Variants in HEATR5A observed in about 807,000 individuals in gnomAD.
HEATR5A encodes the protein HEAT repeat-containing protein 5A.
A neutral mutation model predicts 218.8 loss-of-function variants in HEATR5A; 178 were observed. The observed-to-expected ratio is 0.81, with a 90% CI of 0.72 to 0.92. The LOEUF (loss-of-function observed/expected upper bound fraction) is 0.92, where lower values mean the gene tolerates loss of function less well. Among genes scored for constraint, HEATR5A ranks in the 40% least tolerant of loss-of-function variants. HEATR5A has a pLI of 0.00. For missense variants in HEATR5A, 2,420 were observed against 2,418.9 expected (o/e 1.00, Z -0.01); for synonymous variants, 864 against 871.6 (o/e 0.99, Z 0.15).
intron 14 of HEATR5A, among the ~76,000 whole-genome samples, chr14:31,363,232 C>CTT (rs1351112917): frequency 1.3e-5 from 2 of 148,546 alleles, no homozygotes; most frequent in Non-Finnish European, 3.0e-5. Flanking sequence ...GAGCAAGACT[C>CTT]TGTCTCCAAA....
At chr14:31,294,127 T>C (rs1365468117) in intron 34 of HEATR5A, 23 bp from the exon 35 acceptor site, 4 of 1,409,946 alleles carry the variant, frequency 2.8e-6, no homozygotes, top group African/African-American at 1.4e-5. Context: ...GAGAAAAGAA[T>C]AGCAAATACT....
intron 13 of HEATR5A, among the ~76,000 whole-genome samples, chr14:31,369,636 A>AAC (rs1901953312): frequency 7.2e-6 from 1 of 139,166 alleles, no homozygotes; most frequent in Non-Finnish European, 1.5e-5. Flanking sequence ...AAAAAAAAAA[A>AAC]CCCAAAAATG....
intron 20 of HEATR5A, 54 bp from the exon 21 acceptor site, chr14:31,344,119 T>G (rs1900933973): frequency 9.2e-7 from 1 of 1,082,170 alleles, no homozygotes; most frequent in Non-Finnish European, 1.3e-6. Context: ...ACATTACTCT[T>G]TAAACATATA....
intron 14 of HEATR5A, among the ~76,000 whole-genome samples, chr14:31,362,566 C>A (rs1266112382): frequency 8.5e-6 from 1 of 118,074 alleles, no homozygotes; most frequent in Non-Finnish European, 1.6e-5. Flanking sequence ...AATTTGAGAA[C>A]AACCTGGGCA....
rs186184105 is a variant in HEATR5A at position 31,405,999 on chromosome 14, G to T, written c.-74-2950C>A. Among the ~76,000 whole-genome samples, 197 of 152,146 alleles carry T rather than the reference G, an allele frequency of 1.3e-3. No individual in the cohort carries two copies. In the Middle Eastern group the frequency reaches 0.014, roughly 11 times the overall value. On this transcript the variant is annotated intron_variant, in intron 1 of 35. Coordinates refer to ENST00000543095, the MANE Select transcript of HEATR5A (RefSeq NM_015473.4). Reference sequence around the variant, plus strand: ...GTAGACAATTCATGTTGGTAATCTCGCATCTAAAACTCACAAGTCTAAAAT... The same window carrying T: ...GTAGACAATTCATGTTGGTAATCTCTCATCTAAAACTCACAAGTCTAAAAT...
intron 14 of HEATR5A, among the ~76,000 whole-genome samples, chr14:31,359,491 C>T (rs1020649396): frequency 5.3e-5 from 8 of 151,556 alleles, no homozygotes; most frequent in African/African-American, 1.2e-4. Flanking sequence ...CTTTGGGAGG[C>T]GAAGGTGGGT....
intron 1 of HEATR5A, among the ~76,000 whole-genome samples, chr14:31,404,683 G>T (rs562893518): frequency 7.2e-5 from 11 of 151,840 alleles, no homozygotes; most frequent in Admixed American, 2.6e-4. Context: ...GAGGCAGAAG[G>T]ATCGCTTGAG....
At chr14:31,387,938 TAGTC>T (rs576574782) in intron 7 of HEATR5A, among the ~76,000 whole-genome samples, 8 of 152,194 alleles carry the variant, frequency 5.3e-5, no homozygotes, top group Non-Finnish European at 8.8e-5. Flanking sequence ...AGTTTCAGGA[TAGTC>T]AGCATACCCA....
chr14:31,338,010 A>G (rs1222967668), intron 21 of HEATR5A, among the ~76,000 whole-genome samples: 1 of 152,196 alleles, frequency 6.6e-6, no homozygotes, highest in Non-Finnish European at 1.5e-5. Context: ...GCAGAAATTT[A>G]TACACATCCA....
At chr14:31,387,706 C>T (rs914093505) in intron 7 of HEATR5A, among the ~76,000 whole-genome samples, 3 of 152,072 alleles carry the variant, frequency 2.0e-5, no homozygotes, top group Admixed American at 6.6e-5. Flanking sequence ...ACTACAGGGG[C>T]CCGCCACCAA....
intron 14 of HEATR5A, among the ~76,000 whole-genome samples, chr14:31,362,478 T>C (rs1901651421): frequency 6.6e-6 from 1 of 151,492 alleles, no homozygotes; most frequent in Admixed American, 6.6e-5. Flanking sequence ...ACTTACATTA[T>C]CAGGCCAGGC....
At chr14:31,397,011 A>C (rs569365150) in intron 4 of HEATR5A, among the ~76,000 whole-genome samples, 1 of 152,286 alleles carries the variant, frequency 6.6e-6, no homozygotes, top group South Asian at 2.1e-4. Flanking sequence ...AAATAAAACC[A>C]GACTTACAGG....
At chr14:31,362,997 G>A (rs1205893536) in intron 14 of HEATR5A, among the ~76,000 whole-genome samples, 1 of 152,020 alleles carries the variant, frequency 6.6e-6, no homozygotes, top group Non-Finnish European at 1.5e-5. Context: ...AGCGCTTTGG[G>A]AGGCTGAGGA....
chr14:31,312,436 G>A (rs1899786613), intron 28 of HEATR5A, among the ~76,000 whole-genome samples: 1 of 147,996 alleles, frequency 6.8e-6, no homozygotes, highest in Non-Finnish European at 1.5e-5. Flanking sequence ...TTTTGAGACA[G>A]AGTCTCACTC....
At chr14:31,363,215 G>A (rs934334784) in intron 14 of HEATR5A, among the ~76,000 whole-genome samples, 2 of 151,600 alleles carry the variant, frequency 1.3e-5, no homozygotes, top group East Asian at 3.9e-4. Context: ...CTCCAGCCTG[G>A]GGGACAGAGC....
At chr14:31,405,055 C>A (rs1225896348) in intron 1 of HEATR5A, among the ~76,000 whole-genome samples, 3 of 57,206 alleles carry the variant, frequency 5.2e-5, no homozygotes, top group African/African-American at 2.1e-4. Context: ...GACACTGTCT[C>A]CACCAAAAAA....
At chr14:31,309,633 T>C (rs567050424) in intron 28 of HEATR5A, among the ~76,000 whole-genome samples, 2 of 152,352 alleles carry the variant, frequency 1.3e-5, no homozygotes, top group African/African-American at 4.8e-5. Context: ...AATATGTGTA[T>C]ATGTGTGATT....
At chr14:31,408,551 T>G (rs1264018901) in intron 1 of HEATR5A, among the ~76,000 whole-genome samples, 1 of 152,070 alleles carries the variant, frequency 6.6e-6, no homozygotes, top group Non-Finnish European at 1.5e-5. Context: ...ATGAGTAAGT[T>G]GAACTATATG....
intron 30 of HEATR5A, 59 bp from the exon 31 acceptor site, chr14:31,306,938 AAAT>A: frequency 7.5e-7 from 1 of 1,340,358 alleles, no homozygotes; most frequent in Non-Finnish European, 1.0e-6. Flanking sequence ...CTTTTGTAAA[AAAT>A]ACCAATGCTA....
Sources: allele counts gnomAD v4.1 joint callset (sites outside exome capture counted in the v4.1 genomes callset), GRCh38; gene constraint gnomAD v4.1.1; transcripts MANE v1.5; gene names NCBI Gene and HGNC (gene_info 2026-07-23, HGNC 2026-07-21).